Variants in DDX42 observed in about 807,000 individuals in gnomAD.
The protein encoded by DDX42 is DEAD-box helicase 42.
Under a neutral mutation model 101.5 loss-of-function variants are expected in DDX42, and 22 were observed. The ratio of observed to expected loss-of-function variants is 0.22; its 90% confidence interval spans 0.15 to 0.31. The LOEUF (loss-of-function observed/expected upper bound fraction) is 0.31, where lower values mean the gene tolerates loss of function less well. Ranked by LOEUF, DDX42 falls within the 10% of genes least tolerant of loss-of-function variation. DDX42 has a pLI of 1.00. For synonymous variants in DDX42, 402 were observed against 401.2 expected, an observed-to-expected ratio of 1.00 and a Z score of -0.02; for missense variants, 849 against 1,199.9, an observed-to-expected ratio of 0.71 and a Z score of 4.32.
In DDX42 at chr17:63,800,377, A is replaced by G. The variant is rs2039747893; in HGVS notation, c.472-91A>G. The G allele has an allele frequency of 1.6e-5, 21 of 1,280,854 alleles. 1 individual carries two copies. The South Asian group carries it at 2.9e-4, about 18-fold the overall frequency. The allele number at this position is 1,280,854 out of a possible 1,614,324, so 79.3% of individuals were successfully genotyped here. On this transcript the variant is annotated intron_variant, in intron 5 of 17. Coordinates refer to ENST00000389924, the MANE Select transcript of DDX42 (RefSeq NM_203499.3). Reference sequence around the variant, plus strand: ...TACTTGGTAGGTATGTTAACTGTGCAATTATCTGGTACACTATGTGCGCTA... The same window carrying G: ...TACTTGGTAGGTATGTTAACTGTGCGATTATCTGGTACACTATGTGCGCTA...
intron 17 of DDX42, 46 bp downstream of exon 17, chr17:63,817,012 T>TG: frequency 6.4e-7 from 1 of 1,560,542 alleles, no homozygotes; most frequent in Non-Finnish European, 8.8e-7. Context: ...CAGTAACTCT[T>TG]GGGCAGTGAC....
At chr17:63,775,513 A>G (rs578239301) in intron 1 of DDX42, among the ~76,000 whole-genome samples, 44 of 152,308 alleles carry the variant, frequency 2.9e-4, no homozygotes, top group South Asian at 6.2e-4. Context: ...AATTTGCAAT[A>G]AAGTGGTCAG....
intron 8 of DDX42, 81 bp from the exon 9 acceptor site, chr17:63,807,643 C>T: frequency 2.3e-6 from 3 of 1,317,682 alleles, no homozygotes; most frequent in Non-Finnish European, 3.2e-6. Context: ...TGTTAGTAGT[C>T]ATTTATCATT....
chr17:63,801,121 C>G (rs920990515), intron 6 of DDX42, among the ~76,000 whole-genome samples: 4 of 151,902 alleles, frequency 2.6e-5, no homozygotes, highest in African/African-American at 9.7e-5. Flanking sequence ...ACAGTCTTGG[C>G]TCTCTGCAAC....
intron 6 of DDX42, 28 bp downstream of exon 6, chr17:63,800,645 CTT>C (rs751624402): frequency 5.6e-6 from 9 of 1,608,816 alleles, no homozygotes; most frequent in Middle Eastern, 1.7e-4. Context: ...GAATTTTACT[CTT>C]GTTTCAAGCT....
intron 4 of DDX42, among the ~76,000 whole-genome samples, chr17:63,798,805 C>T (rs529915675): frequency 2.0e-5 from 3 of 152,186 alleles, no homozygotes; most frequent in Non-Finnish European, 4.4e-5. Flanking sequence ...GTCAGTGCTT[C>T]AGTCCTTTAC....
At position 63,818,498 on chromosome 17, in the gene DDX42, C is replaced by T. The variant is rs898969812; in HGVS notation, c.*100C>T. On this transcript the variant is annotated 3_prime_UTR_variant, in exon 18 of 18. Transcript: ENST00000389924. Reference sequence around the variant, plus strand: ...TGGGTTGGGGTCCAAAGTGTAAGGACCCCCTGCCCTTAGTGGAGAGCTGGA... The same window carrying T: ...TGGGTTGGGGTCCAAAGTGTAAGGATCCCCTGCCCTTAGTGGAGAGCTGGA... The T allele has an allele frequency of 7.4e-6, 8 of 1,088,230 alleles. No homozygotes were observed. Among genetic ancestry groups the T allele is most frequent in the Middle Eastern group, 3.1e-4 (1 of 3,250 alleles). 67.4% of individuals were successfully genotyped at this position (1,088,230 alleles called of 1,614,324 possible).
chr17:63,807,319 T>C (rs368537665), intron 8 of DDX42, among the ~76,000 whole-genome samples: 3 of 152,152 alleles, frequency 2.0e-5, no homozygotes, highest in South Asian at 4.1e-4. Flanking sequence ...TTTTTGTATT[T>C]TAGTTGAGAT....
chr17:63,776,303 A>G (rs2039420167), intron 1 of DDX42: 1 of 152,292 alleles, frequency 6.6e-6, no homozygotes, highest in Non-Finnish European at 1.5e-5. Flanking sequence ...TTGCTAGTTC[A>G]GTCTTTCTCC....
intron 7 of DDX42, 59 bp downstream of exon 7, chr17:63,805,234 T>C: frequency 1.9e-6 from 3 of 1,570,930 alleles, no homozygotes; most frequent in Non-Finnish European, 8.6e-7. Context: ...AGATTTAGTA[T>C]TATTGGTTAT....
chr17:63,792,284 G>C (rs557385381), intron 2 of DDX42, 128 bp from the exon 3 acceptor site: 1 of 955,190 alleles, frequency 1.0e-6, no homozygotes, highest in East Asian at 2.7e-5. Flanking sequence ...AAGCCTTGGA[G>C]GTCTCTAATT....
At chr17:63,788,858 C>T (rs1441215490) in intron 2 of DDX42, among the ~76,000 whole-genome samples, 1 of 152,022 alleles carries the variant, frequency 6.6e-6, no homozygotes, top group Non-Finnish European at 1.5e-5. Flanking sequence ...CTGATTGTGA[C>T]ACTGCTTCAC....
At chr17:63,795,545 C>T (rs139732171) in intron 3 of DDX42, among the ~76,000 whole-genome samples, 71 of 152,210 alleles carry the variant, frequency 4.7e-4, no homozygotes, top group African/African-American at 1.7e-3. Context: ...TTTCCCAGGC[C>T]GGTCTCAAAC....
At chr17:63,793,532 C>T (rs1428363755) in intron 3 of DDX42, among the ~76,000 whole-genome samples, 3 of 152,090 alleles carry the variant, frequency 2.0e-5, no homozygotes, top group Non-Finnish European at 2.9e-5. Context: ...CCTCCCAAAG[C>T]GCTTGGACCA....
chr17:63,786,507 C>G (rs1261881732), intron 1 of DDX42, among the ~76,000 whole-genome samples: 1 of 152,208 alleles, frequency 6.6e-6, no homozygotes, highest in Non-Finnish European at 1.5e-5. Context: ...TCAGTGTAAT[C>G]TGGAACTCCT....
chr17:63,808,943 A>T lies in DDX42; in HGVS notation c.1147A>T (p.Thr383Ser), dbSNP rs760421590. Residue 383 changes from threonine (T) to serine (S), a missense_variant, in exon 10 of 18, where the codon ACC becomes TCC. This residue lies in a region of DDX42 where 370 missense variants were observed against 608.8 expected (regional missense o/e 0.61). Transcript: ENST00000389924. ...GGAGGGGGCAGAGATTGTTGTGTGT[A>T]CCCCAGTAAGTATGCCTTGTGTTTA... ...LQEGAEIVVC[T>S]PGRLIDHVKK... 1.2e-6 allele frequency: 2 copies of T among 1,613,394 alleles called. No homozygotes were observed. The highest frequency in any genetic ancestry group is 2.7e-5 in the African/African-American group (2 of 74,882).
intron 7 of DDX42, chr17:63,805,541 A>G (rs899207539): frequency 6.5e-5 from 11 of 168,236 alleles, no homozygotes; most frequent in Non-Finnish European, 1.1e-4. Context: ...TGTCTGTCAA[A>G]TTACATATAG....
chr17:63,779,483 C>CT (rs1555570640), intron 1 of DDX42, among the ~76,000 whole-genome samples: 1 of 152,156 alleles, frequency 6.6e-6, no homozygotes. Context: ...AGGCTGACCT[C>CT]TAACTCCTGA....
rs748032200 is a variant in DDX42, at chr17:63,805,019, T to TA, written c.622-51dup. On this transcript the variant is annotated intron_variant, in intron 6 of 17. Coordinates refer to ENST00000389924, the MANE Select transcript of DDX42 (RefSeq NM_203499.3). Reference sequence around the variant, plus strand: ...GATTATTTTGCAATAAAATCAAACTTACAGAATTGACTCTTGAATTCTAGA... The same window carrying TA: ...GATTATTTTGCAATAAAATCAAACTTAACAGAATTGACTCTTGAATTCTAGA... 1.2e-5 allele frequency: 19 copies of TA among 1,553,534 alleles called. No individual in the cohort carries two copies. In the African/African-American group the frequency reaches 2.4e-4, roughly 19 times the overall value.
Sources: gnomAD v4.1 joint callset for allele counts (sites outside exome capture counted in the v4.1 genomes callset) on GRCh38, gnomAD v4.1.1 for gene constraint, gnomAD v4.1.1 regional missense constraint, MANE v1.5 for transcripts, NCBI Gene and HGNC (gene_info 2026-07-23, HGNC 2026-07-21) for gene names.